The following PAK5 variants were observed in gnomAD, a reference collection of about 807,000 sequenced individuals.
The protein encoded by PAK5 is p21 (RAC1) activated kinase 5, also known as serine/threonine-protein kinase PAK 5.
A neutral mutation model predicts 65.9 loss-of-function variants in PAK5; 16 were observed. The observed-to-expected ratio is 0.24, with a 90% confidence interval of 0.16 to 0.37. The LOEUF is 0.37. Ranked by LOEUF, PAK5 falls within the 10% of genes least tolerant of loss-of-function variation. The probability of loss-of-function intolerance (pLI) is 1.00; values close to 1 mark genes in which losing one functional copy is unlikely to be tolerated. For missense variants in PAK5, 785 were observed against 903.9 expected (o/e 0.87, Z 1.69); for synonymous variants, 371 against 354.9 (o/e 1.05, Z -0.51).
chr20:9,831,810 C>G (rs534741253), intron 1 of PAK5, among the ~76,000 whole-genome samples: 53 of 152,276 alleles, frequency 3.5e-4, no homozygotes, highest in African/African-American at 1.2e-3. Flanking sequence ...GCCCGGCCTA[C>G]TACATTTTTT....
chr20:9,816,555 T>C (rs1168378252), intron 1 of PAK5, among the ~76,000 whole-genome samples: 1 of 152,192 alleles, frequency 6.6e-6, no homozygotes, highest in Non-Finnish European at 1.5e-5. Context: ...GAAGGTTGAA[T>C]CTGCTCTCTG....
chr20:9,836,801 T>C (rs1044965691), intron 1 of PAK5, among the ~76,000 whole-genome samples: 1 of 152,222 alleles, frequency 6.6e-6, no homozygotes, highest in Non-Finnish European at 1.5e-5. Context: ...ATTTTCCTGG[T>C]GGTTTAAATT....
chr20:9,675,287 T>C (rs2047554735), intron 2 of PAK5, among the ~76,000 whole-genome samples: 2 of 152,078 alleles, frequency 1.3e-5, no homozygotes, highest in Non-Finnish European at 2.9e-5. Flanking sequence ...TGCATACTGA[T>C]AGAAGCACAG....
intron 1 of PAK5, among the ~76,000 whole-genome samples, chr20:9,730,031 G>GAA (rs1341024233): frequency 7.0e-5 from 6 of 85,502 alleles, no homozygotes; most frequent in Non-Finnish European, 1.2e-4. Flanking sequence ...GAGAGAGAGA[G>GAA]AATTGTCTCG....
chr20:9,635,885 A>G (rs1436950232), intron 3 of PAK5, among the ~76,000 whole-genome samples: 1 of 152,230 alleles, frequency 6.6e-6, no homozygotes, highest in African/African-American at 2.4e-5. Context: ...CAGAAAAGTC[A>G]TGAGGGGGCA....
chr20:9,786,675 A>G (rs2048996151), intron 1 of PAK5, among the ~76,000 whole-genome samples: 2 of 152,080 alleles, frequency 1.3e-5, no homozygotes, highest in African/African-American at 2.4e-5. Context: ...ATACTCTAAG[A>G]TACACCTATA....
chr20:9,665,085 GTT>G (rs754435525), intron 2 of PAK5, among the ~76,000 whole-genome samples: 2 of 98,908 alleles, frequency 2.0e-5, no homozygotes, highest in Non-Finnish European at 3.8e-5. Context: ...AAATTTTTCT[GTT>G]TTTTTTTTTT....
intron 1 of PAK5, among the ~76,000 whole-genome samples, chr20:9,802,787 C>T (rs2049184277): frequency 6.6e-6 from 1 of 150,996 alleles, no homozygotes; most frequent in South Asian, 2.1e-4. Flanking sequence ...GAGACTGCAT[C>T]GGTCAATAAA....
chr20:9,784,062 G>C (rs554048164), intron 1 of PAK5, among the ~76,000 whole-genome samples: 2 of 152,262 alleles, frequency 1.3e-5, no homozygotes, highest in African/African-American at 4.8e-5. Flanking sequence ...TTAAGTAGCA[G>C]ATGCCAGTGT....
intron 4 of PAK5, among the ~76,000 whole-genome samples, chr20:9,573,083 T>TG (rs2045819722): frequency 6.7e-6 from 1 of 149,796 alleles, no homozygotes; most frequent in South Asian, 2.1e-4. Flanking sequence ...CAAGCAGTCA[T>TG]GATTGTGATT....
chr20:9,555,777 G>A (rs1336605712), intron 7 of PAK5, among the ~76,000 whole-genome samples: 1 of 152,128 alleles, frequency 6.6e-6, no homozygotes, highest in African/African-American at 2.4e-5. Context: ...TATAATATAA[G>A]CACAGGATTT....
chr20:9,625,586 C>T (rs748464790), intron 3 of PAK5, among the ~76,000 whole-genome samples: 5 of 152,068 alleles, frequency 3.3e-5, no homozygotes, highest in Admixed American at 1.3e-4. Flanking sequence ...CTTTTTCTTA[C>T]GGAGAAGGTC....
At chr20:9,784,946 T>C (rs2048977346) in intron 1 of PAK5, among the ~76,000 whole-genome samples, 1 of 152,118 alleles carries the variant, frequency 6.6e-6, no homozygotes, top group Non-Finnish European at 1.5e-5. Flanking sequence ...GGCAGTTTAG[T>C]CTCAAAGGAA....
intron 3 of PAK5, among the ~76,000 whole-genome samples, chr20:9,639,594 A>G (rs1022629761): frequency 2.4e-4 from 37 of 152,230 alleles, no homozygotes; most frequent in Non-Finnish European, 1.0e-4. Context: ...AACCTGCTCT[A>G]TACTTGAGAT....
intron 1 of PAK5, among the ~76,000 whole-genome samples, chr20:9,725,383 A>G (rs2048264390): frequency 6.6e-6 from 1 of 152,282 alleles, no homozygotes; most frequent in Middle Eastern, 3.4e-3. Context: ...TAAAAATAAG[A>G]CTGTACCATT....
At chr20:9,810,187 T>C (rs1350681824) in intron 1 of PAK5, among the ~76,000 whole-genome samples, 4 of 152,166 alleles carry the variant, frequency 2.6e-5, no homozygotes, top group South Asian at 2.1e-4. Context: ...CAGAATCACA[T>C]GGAATGGGGT....
intron 1 of PAK5, among the ~76,000 whole-genome samples, chr20:9,833,627 T>A (rs2123792577): frequency 6.6e-6 from 1 of 152,264 alleles, no homozygotes; most frequent in South Asian, 2.1e-4. Context: ...ACTATTCTTT[T>A]GAAAAGTTTT....
intron 1 of PAK5, among the ~76,000 whole-genome samples, chr20:9,737,276 A>C (rs1487748076): frequency 1.3e-5 from 2 of 152,222 alleles, no homozygotes; most frequent in African/African-American, 4.8e-5. Context: ...CACAGTGTAT[A>C]GATAGACACA....
intron 7 of PAK5, among the ~76,000 whole-genome samples, chr20:9,550,120 C>A (rs1262484631): frequency 2.0e-5 from 3 of 152,172 alleles, no homozygotes; most frequent in Non-Finnish European, 4.4e-5. Context: ...GAGCTTGTGG[C>A]AATGCTACTG....
Sources: allele counts gnomAD v4.1 joint callset (sites outside exome capture counted in the v4.1 genomes callset), GRCh38; gene constraint gnomAD v4.1.1; transcripts MANE v1.5; gene names NCBI Gene and HGNC (gene_info 2026-07-23, HGNC 2026-07-21).